The following SNX9 variants were observed in gnomAD, a reference collection of about 807,000 sequenced individuals.
SNX9 encodes the protein sorting nexin 9.
A neutral mutation model predicts 89.4 loss-of-function variants in SNX9; 44 were observed. The ratio of observed to expected loss-of-function variants is 0.49; its 90% confidence interval spans 0.39 to 0.63. SNX9 has a LOEUF of 0.63. SNX9 is among the 30% of genes least tolerant of loss of function. The pLI, the probability that SNX9 is intolerant of heterozygous loss-of-function variation, is 0.00. For synonymous variants in SNX9, 236 were observed against 247.8 expected (o/e 0.95, Z 0.45); for missense variants, 578 against 736.1 (o/e 0.79, Z 2.49).
chr6:157,828,850 G>A lies in SNX9; in HGVS notation c.12+5404G>A, dbSNP rs147104700. Among the ~76,000 whole-genome samples, 496 of 152,110 alleles carry A rather than the reference G, an allele frequency of 3.3e-3. 2 individuals are homozygous for A. The highest frequency in any genetic ancestry group is 6.8e-3 in the Middle Eastern group (2 of 294). On this transcript the variant is annotated intron_variant, in intron 1 of 17. Transcript: ENST00000392185. ...CCTGATGTCCCCGCCCCTGTTTCAG[G>A]GTCACATTACACACCCCGACTGCCA...
chr6:157,835,477 A>C (rs1322378321), intron 1 of SNX9, among the ~76,000 whole-genome samples: 1 of 150,872 alleles, frequency 6.6e-6, no homozygotes, highest in Admixed American at 6.6e-5. Flanking sequence ...CAGTGGTGCA[A>C]ACATGGCTCA....
At chr6:157,927,976 G>A (rs897746725) in intron 11 of SNX9, among the ~76,000 whole-genome samples, 2 of 152,036 alleles carry the variant, frequency 1.3e-5, no homozygotes, top group Admixed American at 6.6e-5. Context: ...CACGCAGAGA[G>A]AAAATCAGTG....
chr6:157,863,486 G>A (rs1318009836), intron 1 of SNX9, among the ~76,000 whole-genome samples: 1 of 152,162 alleles, frequency 6.6e-6, no homozygotes, highest in Non-Finnish European at 1.5e-5. Flanking sequence ...GATTAGTTGT[G>A]GTTGACAATA....
chr6:157,843,929 C>T lies in SNX9; in HGVS notation c.12+20483C>T, dbSNP rs150824206. ...TCACTCTACCACCCAGGCCAGAGTGCAGTGGCATGATCTTGGCTCACTGTA... is the reference window on the plus strand; with the variant it reads ...TCACTCTACCACCCAGGCCAGAGTGTAGTGGCATGATCTTGGCTCACTGTA... On this transcript the variant is annotated intron_variant, in intron 1 of 17. Transcript: ENST00000392185. Among the ~76,000 whole-genome samples the T allele has an allele frequency of 4.1e-3, 575 of 139,540 alleles. 4 individuals carry two copies. The highest frequency in any genetic ancestry group is 0.015 in the African/African-American group (547 of 35,510). 91.5% of individuals were successfully genotyped at this position (139,540 alleles called of 152,430 possible).
chr6:157,895,100 C>CTT (rs1279154579), intron 4 of SNX9, among the ~76,000 whole-genome samples: 1 of 152,170 alleles, frequency 6.6e-6, no homozygotes, highest in Non-Finnish European at 1.5e-5. Context: ...AGTAGGTAAA[C>CTT]ATATGTAACA....
chr6:157,902,395 A>C (rs958231328), intron 6 of SNX9, among the ~76,000 whole-genome samples: 1 of 152,198 alleles, frequency 6.6e-6, no homozygotes, highest in Non-Finnish European at 1.5e-5. Flanking sequence ...TAAATGTTTT[A>C]CTGTTTTGTT....
intron 4 of SNX9, among the ~76,000 whole-genome samples, chr6:157,891,072 C>A (rs1350597302): frequency 1.4e-5 from 2 of 141,182 alleles, no homozygotes; most frequent in African/African-American, 5.4e-5. Context: ...CACTCTGTCA[C>A]CCAGGCTGGA....
chr6:157,840,420 T>TTTCCTTTCTTTTCTTTCC (rs199981713), intron 1 of SNX9, among the ~76,000 whole-genome samples: 1 of 118,590 alleles, frequency 8.4e-6, no homozygotes, highest in Non-Finnish European at 1.9e-5. Flanking sequence ...TCTTTCTTTC[T>TTTCCTTTCTTTTCTTTCC]TTTCTTTCTT....
intron 4 of SNX9, among the ~76,000 whole-genome samples, chr6:157,880,275 A>T (rs1397192227): frequency 6.6e-6 from 1 of 152,224 alleles, no homozygotes; most frequent in Non-Finnish European, 1.5e-5. Flanking sequence ...TGCCGGACAC[A>T]TGGAAGATAT....
At chr6:157,919,388 G>GT (rs1259580820) in intron 9 of SNX9, among the ~76,000 whole-genome samples, 2 of 151,756 alleles carry the variant, frequency 1.3e-5, no homozygotes, top group East Asian at 1.9e-4. Flanking sequence ...TTACGTTTAA[G>GT]TTTTTTTTCT....
intron 1 of SNX9, among the ~76,000 whole-genome samples, chr6:157,829,989 A>G (rs779408902): frequency 3.2e-4 from 49 of 152,294 alleles, no homozygotes; most frequent in Non-Finnish European, 6.0e-4. Context: ...TAAAGTCTGA[A>G]ATTACTTAAT....
intron 1 of SNX9, among the ~76,000 whole-genome samples, chr6:157,857,409 A>G (rs528638404): frequency 9.9e-5 from 15 of 152,264 alleles, no homozygotes; most frequent in African/African-American, 3.4e-4. Context: ...TTAATGAAAA[A>G]TGCTGCTCGG....
Position 157,835,893 on chromosome 6 carries a change from T to C in SNX9, c.12+12447T>C, listed in dbSNP as rs115115129. 5.3e-3 allele frequency among the ~76,000 whole-genome samples: 806 copies of C among 152,206 alleles called. 8 individuals are homozygous for C. The highest frequency in any genetic ancestry group is 0.019 in the African/African-American group (776 of 41,532). On this transcript the variant is annotated intron_variant, in intron 1 of 17. Coordinates refer to ENST00000392185, the MANE Select transcript of SNX9 (RefSeq NM_016224.5). The stretch of plus-strand genomic sequence containing the variant: ...GCCGTGTGAAAACAGACTAATACAG[T>C]CTGGGACCACAGGCATACACCACCA...
rs1047156293 is a variant in SNX9 at position 157,943,088 on chromosome 6, A to G, written c.*250A>G. 3.7e-5 allele frequency: 13 copies of G among 355,420 alleles called. No individual in the cohort carries two copies. Among genetic ancestry groups the G allele is most frequent in the Non-Finnish European group, 5.5e-5 (11 of 199,492 alleles). The allele number at this position is 355,420 out of a possible 1,614,324, so 22.0% of individuals were successfully genotyped here. A position where few individuals can be genotyped will look rare whatever the true frequency, so the allele number is the denominator to read the frequency against. ...TCTCTATTTTTGGAAAGTACTTAAA[A>G]GTTACCAGAATTTTCAATGGAAAAT... On this transcript the variant is annotated 3_prime_UTR_variant, in exon 18 of 18. Transcript: ENST00000392185.
chr6:157,903,813 G>A (rs1783156515), intron 6 of SNX9, among the ~76,000 whole-genome samples: 1 of 152,126 alleles, frequency 6.6e-6, no homozygotes, highest in Non-Finnish European at 1.5e-5. Flanking sequence ...CATCTCGAAA[G>A]CAAGGAGGTT....
At chr6:157,904,320 G>T (rs1405428950) in intron 6 of SNX9, among the ~76,000 whole-genome samples, 1 of 152,080 alleles carries the variant, frequency 6.6e-6, no homozygotes, top group African/African-American at 2.4e-5. Context: ...TGTAATCCTA[G>T]CTACTTGGAA....
intron 1 of SNX9, among the ~76,000 whole-genome samples, chr6:157,861,413 C>G (rs1782118593): frequency 6.6e-6 from 1 of 152,188 alleles, no homozygotes; most frequent in Non-Finnish European, 1.5e-5. Context: ...TGAATAATGA[C>G]ACTGGTGAAA....
chr6:157,927,081 A>C, intron 10 of SNX9, 30 bp from the exon 11 acceptor site: 1 of 1,562,446 alleles, frequency 6.4e-7, no homozygotes, highest in Non-Finnish European at 8.8e-7. Flanking sequence ...TGTGCTCTCC[A>C]CTTGAACCTT....
intron 15 of SNX9, among the ~76,000 whole-genome samples, chr6:157,937,896 C>T (rs780790398): frequency 6.6e-6 from 1 of 152,228 alleles, no homozygotes; most frequent in African/African-American, 2.4e-5. Context: ...TGCTTTATAA[C>T]TTAAATATCA....
Sources: gnomAD v4.1 joint callset for allele counts (sites outside exome capture counted in the v4.1 genomes callset) on GRCh38, gnomAD v4.1.1 for gene constraint, MANE v1.5 for transcripts, NCBI Gene and HGNC (gene_info 2026-07-23, HGNC 2026-07-21) for gene names.